The following ARHGEF4 variants were observed in gnomAD, a reference collection of about 807,000 sequenced individuals.
ARHGEF4 encodes the protein Rho guanine nucleotide exchange factor 4, also known as APC-stimulated guanine nucleotide exchange factor 1.
ARHGEF4 carries 119 observed loss-of-function variants against 162.0 expected under a neutral mutation model. The ratio of observed to expected loss-of-function variants is 0.73; its 90% CI spans 0.63 to 0.86. The LOEUF (loss-of-function observed/expected upper bound fraction) is 0.86. ARHGEF4 is among the 40% of genes least tolerant of loss of function. The probability of loss-of-function intolerance (pLI) is 0.00; values close to 1 mark genes in which losing one functional copy is unlikely to be tolerated. For missense variants in ARHGEF4, 2,488 were observed against 2,456.0 expected (o/e 1.01, Z -0.28); for synonymous variants, 1,014 against 979.9 (o/e 1.03, Z -0.65).
intron 4 of ARHGEF4, among the ~76,000 whole-genome samples, chr2:130,965,342 A>C (rs1684933492): frequency 2.0e-5 from 3 of 152,274 alleles, no homozygotes; most frequent in Non-Finnish European, 2.9e-5. Flanking sequence ...GAAGTGAAGG[A>C]CATGCAGACC....
At position 131,041,431 on chromosome 2, in the gene ARHGEF4, G is replaced by T; in HGVS notation, c.4864G>T (p.Glu1622Ter). 1 of 1,613,004 alleles carries T rather than the reference G, an allele frequency of 6.2e-7. No individual in the cohort carries two copies. Among genetic ancestry groups the T allele is most frequent in the Non-Finnish European group, 8.5e-7 (1 of 1,180,000 alleles). The change falls in exon 9 of 14, where the codon GAG (glutamate) becomes TAG (stop). Residue 1622 changes from glutamate (E) to a stop codon, truncating the protein, a stop_gained. Coordinates refer to ENST00000409359, the MANE Select transcript of ARHGEF4 (RefSeq NM_001367493.1). LOFTEE classifies it high-confidence loss of function. ...CTGCAAGTACCCTCTGCAGCTGGCC[G>T]AGCTGCTCAAATACACGCACCCCCA... ...KICKYPLQLA[E>*]LLKYTHPQHR... is the part of the protein sequence containing the mutation.
chr2:130,868,936 C>T (rs1169829542), intron 1 of ARHGEF4, among the ~76,000 whole-genome samples: 2 of 152,228 alleles, frequency 1.3e-5, no homozygotes, highest in African/African-American at 2.4e-5. Flanking sequence ...ACTTCATTCT[C>T]TGGTTCCAGC....
intron 3 of ARHGEF4, among the ~76,000 whole-genome samples, chr2:130,934,954 A>G (rs568250548): frequency 1.3e-5 from 2 of 152,290 alleles, no homozygotes; most frequent in South Asian, 2.1e-4. Context: ...GTGTTTTCTT[A>G]TAATCCTTTT....
intron 8 of ARHGEF4, 49 bp from the exon 9 acceptor site, chr2:131,041,181 C>T: frequency 6.5e-7 from 1 of 1,547,916 alleles, no homozygotes; most frequent in Non-Finnish European, 8.8e-7. Flanking sequence ...AGCTGGATTG[C>T]CTGTGGGAGC....
chr2:130,851,202 T>C (rs1425465591), intron 1 of ARHGEF4, among the ~76,000 whole-genome samples: 1 of 152,238 alleles, frequency 6.6e-6, no homozygotes, highest in Non-Finnish European at 1.5e-5. Flanking sequence ...GGCCAGCATG[T>C]GCCTTTCCTG....
intron 1 of ARHGEF4, among the ~76,000 whole-genome samples, chr2:130,865,704 T>G (rs1012273009): frequency 6.6e-6 from 1 of 151,616 alleles, no homozygotes; most frequent in Non-Finnish European, 1.5e-5. Flanking sequence ...CAAAGATAGG[T>G]TTTGTTTGTT....
intron 1 of ARHGEF4, chr2:130,837,698 C>G: frequency 4.7e-6 from 2 of 426,476 alleles, no homozygotes; most frequent in South Asian, 3.2e-5. Flanking sequence ...CCCGACCTCC[C>G]CAGGTGAGCC....
rs759010559 is a variant in ARHGEF4 at position 131,040,075 on chromosome 2, AGCGGAGGACGGCGGG to A, written c.4373_4387del (p.Asp1458_Glu1462del). On this transcript the variant is annotated inframe_deletion, in exon 7 of 14. Transcript: ENST00000409359. Reference sequence around the variant, plus strand: ...ACGCCCCTCTGGCCGGGAACAGCGGAGCGGAGGACGGCGGGGCGGAGGCGCAGAGCAGCAAGGACC... The same window carrying A: ...ACGCCCCTCTGGCCGGGAACAGCGGAGCGGAGGCGCAGAGCAGCAAGGACC... 6 of 1,601,776 alleles carry A rather than the reference AGCGGAGGACGGCGGG, an allele frequency of 3.7e-6. No homozygotes were observed. The highest frequency in any genetic ancestry group is 1.1e-5 in the South Asian group (1 of 89,566).
intron 1 of ARHGEF4, among the ~76,000 whole-genome samples, chr2:130,874,252 G>A (rs1420812420): frequency 6.6e-6 from 1 of 152,212 alleles, no homozygotes; most frequent in East Asian, 1.9e-4. Context: ...AAACTACAAG[G>A]CGGCTGTACC....
intron 2 of ARHGEF4, among the ~76,000 whole-genome samples, chr2:130,917,891 C>T (rs1214611709): frequency 2.0e-5 from 3 of 149,768 alleles, no homozygotes; most frequent in African/African-American, 4.9e-5. Context: ...CGCTCCATCT[C>T]GGCTCACCGC....
At chr2:130,874,869 T>C (rs62162147) in intron 1 of ARHGEF4, among the ~76,000 whole-genome samples, 27,043 of 152,170 alleles carry the variant, frequency 0.18, 4,746 homozygotes, top group African/African-American at 0.45. Context: ...TGGATCCATA[T>C]AGTATGTACC....
In ARHGEF4 at chr2:130,921,983, C is replaced by T. The variant is rs146006172; in HGVS notation, c.3552+4485C>T. 2.2e-3 allele frequency among the ~76,000 whole-genome samples: 329 copies of T among 152,124 alleles called. 1 individual carries two copies. Among genetic ancestry groups the T allele is most frequent in the African/African-American group, 7.7e-3 (319 of 41,532 alleles). On this transcript the variant is annotated intron_variant, in intron 2 of 13. Transcript: ENST00000409359. ...CTGGGATTACAGGCATGAGCCACTG[C>T]ACCTGGCCTAAGGAACTTTTTATGT...
chr2:131,045,670 G>A, intron 13 of ARHGEF4: 2 of 1,492,494 alleles, frequency 1.3e-6, no homozygotes, highest in South Asian at 2.8e-5. Context: ...GGCTCCCCCA[G>A]ATCAGGGCCA....
chr2:130,841,371 CTTT>C (rs35533760), intron 1 of ARHGEF4, among the ~76,000 whole-genome samples: 71 of 133,054 alleles, frequency 5.3e-4, no homozygotes, highest in South Asian at 2.2e-3. Context: ...GCCTAGAAAG[CTTT>C]TTTTTTTTTT....
chr2:131,018,490 C>T lies in ARHGEF4; in HGVS notation c.3986-9455C>T, dbSNP rs185407583. Among the ~76,000 whole-genome samples the T allele has an allele frequency of 4.9e-3, 752 of 152,130 alleles. 2 individuals are homozygous for T. The highest frequency in any genetic ancestry group is 8.8e-3 in the Non-Finnish European group (595 of 67,996). On this transcript the variant is annotated intron_variant, in intron 4 of 13. Coordinates refer to ENST00000409359, the MANE Select transcript of ARHGEF4 (RefSeq NM_001367493.1). Reference sequence around the variant, plus strand: ...TGTGGGAGTTTTTCAAAAATGTATTCTGGATGTTATTCCCTTATCAGATAT... The same window carrying T: ...TGTGGGAGTTTTTCAAAAATGTATTTTGGATGTTATTCCCTTATCAGATAT...
At chr2:130,841,118 G>T (rs1291036015) in intron 1 of ARHGEF4, among the ~76,000 whole-genome samples, 2 of 152,182 alleles carry the variant, frequency 1.3e-5, no homozygotes, top group African/African-American at 2.4e-5. Context: ...AGGCTGGAAT[G>T]CAGTGGCGCG....
rs545604666 is a variant in ARHGEF4 at position 131,039,231 on chromosome 2, G to A, written c.4305+199G>A. Reference sequence around the variant, plus strand: ...CCCATTCCTCTTCTGGTGAGCCCTCGGGGGCCAGAGAGGAGAGCAGTCGAG... The same window carrying A: ...CCCATTCCTCTTCTGGTGAGCCCTCAGGGGCCAGAGAGGAGAGCAGTCGAG... On this transcript the variant is annotated intron_variant, in intron 6 of 13. Coordinates refer to ENST00000409359, the MANE Select transcript of ARHGEF4 (RefSeq NM_001367493.1). The A allele has an allele frequency of 1.0e-4, 130 of 1,264,220 alleles. No individual in the cohort carries two copies. The African/African-American group carries it at 1.3e-3, about 12-fold the overall frequency. The allele number at this position is 1,264,220 out of a possible 1,614,324, so 78.3% of individuals were successfully genotyped here. A position where few individuals can be genotyped will look rare whatever the true frequency, so the allele number is the denominator to read the frequency against.
Position 130,917,061 on chromosome 2 carries a change from G to C in ARHGEF4, c.3115G>C (p.Gly1039Arg), listed in dbSNP as rs572153704. 1 of 1,550,774 alleles carries C rather than the reference G, an allele frequency of 6.4e-7. No individual in the cohort carries two copies. Among genetic ancestry groups the C allele is most frequent in the Non-Finnish European group, 8.7e-7 (1 of 1,147,038 alleles). Residue 1039 changes from glycine to arginine, a missense_variant, in exon 2 of 14, where the codon GGT (glycine) becomes CGT (arginine). Transcript: ENST00000409359. ...TIKCTATQEG[G>R]RYLPSGIFPE... is the part of the protein sequence containing the mutation. ...CAAGTGCACAGCCACCCAGGAAGGC[G>C]GTAGGTACCTACCTTCAGGTATCTT... is the stretch of plus-strand genomic sequence containing the variant.
intron 4 of ARHGEF4, among the ~76,000 whole-genome samples, chr2:130,954,015 A>G (rs1369256893): frequency 6.6e-6 from 1 of 152,248 alleles, no homozygotes; most frequent in Non-Finnish European, 1.5e-5. Context: ...AGGATCTAGA[A>G]CTAGAAATAC....
Sources: gnomAD v4.1 joint callset for allele counts (sites outside exome capture counted in the v4.1 genomes callset) on GRCh38, gnomAD v4.1.1 for gene constraint, MANE v1.5 for transcripts, NCBI Gene and HGNC (gene_info 2026-07-23, HGNC 2026-07-21) for gene names.